The following LTBP1 variants were observed in gnomAD, a reference collection of about 807,000 sequenced individuals.
The protein encoded by LTBP1 is latent-transforming growth factor beta-binding protein 1.
Under a neutral mutation model 207.6 loss-of-function variants are expected in LTBP1, and 129 were observed. That is an observed-to-expected ratio of 0.62 (90% CI 0.54 to 0.72). The LOEUF (loss-of-function observed/expected upper bound fraction) is 0.72. Among genes scored for constraint, LTBP1 ranks in the 30% least tolerant of loss-of-function variants. The pLI is 0.00. For missense variants in LTBP1, 2,281 were observed against 2,217.2 expected (o/e 1.03, Z -0.58); for synonymous variants, 963 against 833.7 (o/e 1.16, Z -2.67).
At chr2:33,373,072 A>G (rs981099098) in intron 31 of LTBP1, among the ~76,000 whole-genome samples, 1 of 152,198 alleles carries the variant, frequency 6.6e-6, no homozygotes, top group Non-Finnish European at 1.5e-5. Flanking sequence ...GTAAATTGTT[A>G]AAGTAATTAG....
intron 22 of LTBP1, among the ~76,000 whole-genome samples, chr2:33,303,665 C>A (rs1573727169): frequency 6.6e-6 from 1 of 152,168 alleles, no homozygotes; most frequent in Middle Eastern, 3.4e-3. Flanking sequence ...TGGTTAGATT[C>A]TCATAAGGAG....
chr2:33,375,559 G>A (rs1235199462), intron 31 of LTBP1, among the ~76,000 whole-genome samples: 5 of 152,076 alleles, frequency 3.3e-5, no homozygotes, highest in Admixed American at 6.5e-5. Context: ...ACGGAGTCTC[G>A]CTCTGTCGCC....
intron 25 of LTBP1, among the ~76,000 whole-genome samples, chr2:33,344,717 C>T (rs1355514574): frequency 6.6e-6 from 1 of 152,198 alleles, no homozygotes; most frequent in African/African-American, 2.4e-5. Context: ...ATACCACCTG[C>T]AGACCGCTTC....
At chr2:33,170,293 T>G (rs2085302417) in intron 5 of LTBP1, among the ~76,000 whole-genome samples, 4 of 152,148 alleles carry the variant, frequency 2.6e-5, no homozygotes, top group African/African-American at 9.7e-5. Flanking sequence ...ATCGGGTCAC[T>G]CCCACCCTAA....
chr2:33,038,176 A>T (rs1002825867), intron 3 of LTBP1, among the ~76,000 whole-genome samples: 1 of 152,224 alleles, frequency 6.6e-6, no homozygotes, highest in African/African-American at 2.4e-5. Context: ...TTGAATGCCA[A>T]ACCAACATAA....
intron 7 of LTBP1, among the ~76,000 whole-genome samples, chr2:33,215,637 C>G (rs1377081858): frequency 6.6e-6 from 1 of 152,060 alleles, no homozygotes; most frequent in Non-Finnish European, 1.5e-5. Flanking sequence ...TGAGGGCCAC[C>G]ACCTGCCTGG....
chr2:33,182,687 G>GAGATAGAT (rs1469125010), intron 5 of LTBP1, among the ~76,000 whole-genome samples: 1 of 67,008 alleles, frequency 1.5e-5, no homozygotes, highest in African/African-American at 5.9e-5. Context: ...AAAAGATGGT[G>GAGATAGAT]ATATATATAT....
At chr2:33,030,575 T>A (rs891664118) in intron 3 of LTBP1, among the ~76,000 whole-genome samples, 2 of 152,254 alleles carry the variant, frequency 1.3e-5, no homozygotes, top group Non-Finnish European at 2.9e-5. Context: ...TTGGAAAATT[T>A]AGTGTGCATA....
intron 31 of LTBP1, among the ~76,000 whole-genome samples, chr2:33,375,777 C>T (rs557272016): frequency 1.3e-5 from 2 of 150,224 alleles, no homozygotes; most frequent in East Asian, 2.0e-4. Context: ...CTCCTGACCT[C>T]GTGATCTGCC....
intron 31 of LTBP1, among the ~76,000 whole-genome samples, chr2:33,387,016 G>A (rs1029777514): frequency 1.3e-5 from 2 of 152,032 alleles, no homozygotes; most frequent in African/African-American, 2.4e-5. Context: ...TTTTAGTAGA[G>A]ACAGGGTTTC....
intron 3 of LTBP1, among the ~76,000 whole-genome samples, chr2:33,103,303 A>G (rs527818626): frequency 1.3e-5 from 2 of 149,276 alleles, no homozygotes; most frequent in African/African-American, 2.4e-5. Context: ...CACAGTCTCT[A>G]TGTTGTATAC....
chr2:33,050,876 G>A (rs750924195), intron 3 of LTBP1, among the ~76,000 whole-genome samples: 13 of 152,052 alleles, frequency 8.5e-5, no homozygotes, highest in Admixed American at 7.2e-4. Flanking sequence ...TGGGATTACA[G>A]GCGGGCATCA....
intron 2 of LTBP1, among the ~76,000 whole-genome samples, chr2:32,972,379 G>T (rs1360305668): frequency 1.3e-5 from 2 of 151,448 alleles, no homozygotes; most frequent in Non-Finnish European, 2.9e-5. Context: ...GTTCTTCTAG[G>T]TGTAATGTTA....
At chr2:33,283,304 G>A (rs1346447952) in intron 19 of LTBP1, among the ~76,000 whole-genome samples, 1 of 150,980 alleles carries the variant, frequency 6.6e-6, no homozygotes, top group East Asian at 2.0e-4. Context: ...TTCCTGGCTA[G>A]TCATTTGTTT....
chr2:33,360,669 T>G lies in LTBP1; in HGVS notation c.4073T>G (p.Leu1358Arg). ...ECYYNLNDAS[L>R]CDNVLAPNVT... ...TACTATAATCTCAATGACGCCAGTC[T>G]CTGTGATAATGTGTTGGCCCCCAAT... Residue 1358 changes from leucine to arginine, a missense_variant, in exon 27 of 34, where the codon CTC becomes CGC. Coordinates refer to ENST00000404816, the MANE Select transcript of LTBP1 (RefSeq NM_206943.4). 1 of 1,613,672 alleles carries G rather than the reference T, an allele frequency of 6.2e-7. No homozygotes were observed. The highest frequency in any genetic ancestry group is 8.5e-7 in the Non-Finnish European group (1 of 1,179,562).
At chr2:33,032,326 C>T (rs1422252255) in intron 3 of LTBP1, among the ~76,000 whole-genome samples, 2 of 152,168 alleles carry the variant, frequency 1.3e-5, no homozygotes, top group Non-Finnish European at 2.9e-5. Context: ...TAATCAAGGT[C>T]TTTTTTCCTG....
intron 7 of LTBP1, among the ~76,000 whole-genome samples, chr2:33,191,715 T>C (rs1352001313): frequency 3.3e-5 from 5 of 152,216 alleles, no homozygotes; most frequent in African/African-American, 1.2e-4. Flanking sequence ...AAATGGCAGA[T>C]AATCCAAAAC....
chr2:33,222,399 G>C (rs550327503), intron 9 of LTBP1, among the ~76,000 whole-genome samples: 1 of 152,188 alleles, frequency 6.6e-6, no homozygotes, highest in Non-Finnish European at 1.5e-5. Flanking sequence ...AAAAGAGTTT[G>C]GATCACATTA....
chr2:33,141,761 T>C (rs2082659507), intron 5 of LTBP1, among the ~76,000 whole-genome samples: 1 of 152,196 alleles, frequency 6.6e-6, no homozygotes, highest in African/African-American at 2.4e-5. Flanking sequence ...CTTTTTATTT[T>C]GTCTAAACCG....
Sources: gnomAD v4.1 joint callset for allele counts (sites outside exome capture counted in the v4.1 genomes callset) on GRCh38, gnomAD v4.1.1 for gene constraint, MANE v1.5 for transcripts, NCBI Gene and HGNC (gene_info 2026-07-23, HGNC 2026-07-21) for gene names.